The following CASKIN2 variants were observed in gnomAD, a reference collection of about 807,000 sequenced individuals.
The protein encoded by CASKIN2 is caskin-2.
In CASKIN2, 41 loss-of-function variants were observed where a neutral mutation model predicts 107.1. The observed-to-expected ratio is 0.38, with a 90% CI of 0.30 to 0.50. The LOEUF (loss-of-function observed/expected upper bound fraction) is 0.50, where lower values mean the gene tolerates loss of function less well. Among genes scored for constraint, CASKIN2 ranks in the 20% least tolerant of loss-of-function variants. CASKIN2 has a pLI of 0.92. For missense variants in CASKIN2, 1,546 were observed against 1,657.4 expected (o/e 0.93, Z 1.17); for synonymous variants, 724 against 705.6 (o/e 1.03, Z -0.41).
intron 17 of CASKIN2, 48 bp downstream of exon 17, chr17:75,503,341 A>T (rs1163781276): frequency 6.3e-7 from 1 of 1,587,416 alleles, no homozygotes; most frequent in Non-Finnish European, 8.6e-7. Flanking sequence ...TCTCTTGGAG[A>T]CCCCGGAGGC....
rs1055742829 is a variant in CASKIN2, at chr17:75,504,775, C to T, written c.1192+37G>A. The T allele has an allele frequency of 1.9e-6, 3 of 1,587,834 alleles. No homozygotes were observed. The African/African-American group carries it at 4.0e-5, about 21-fold the overall frequency. On this transcript the variant is annotated intron_variant, in intron 11 of 19. Coordinates refer to ENST00000321617, the MANE Select transcript of CASKIN2 (RefSeq NM_020753.5). ...TGGCAGCTTGCCCAGGCCACACGCC[C>T]ACACAGTGCCCAGCACTGCCCCCTG...
intron 19 of CASKIN2, 133 bp downstream of exon 19, chr17:75,501,335 T>C (rs113297042): frequency 4.9e-6 from 6 of 1,227,756 alleles, no homozygotes; most frequent in Middle Eastern, 2.2e-4. Flanking sequence ...TCTAGGTGAT[T>C]TCAACACCTG....
chr17:75,514,421 G>A (rs1281795255), intron 1 of CASKIN2, among the ~76,000 whole-genome samples: 2 of 152,106 alleles, frequency 1.3e-5, no homozygotes, highest in South Asian at 2.1e-4. Context: ...TGGCATTCTG[G>A]GAGGGGGAGG....
At position 75,503,132 on chromosome 17, in the gene CASKIN2, T is replaced by C. The variant is rs1388023446; in HGVS notation, c.1942A>G (p.Ile648Val). 3.1e-6 allele frequency: 5 copies of C among 1,606,440 alleles called. No individual in the cohort carries two copies. The highest frequency in any genetic ancestry group is 3.4e-6 in the Non-Finnish European group (4 of 1,178,138). ...RLAKGPELMA[I>V]EGLENGEGPA... ...CCTTCTCCGTTCTCCAGTCCCTCGA[T>C]GGCCATCAGCTCCGGACCCTTGGCC... Residue 648 changes from isoleucine (I) to valine (V), a missense_variant, in exon 18 of 20, where the codon ATC (isoleucine) becomes GTC (valine). Ile to Val is a conservative substitution (Grantham distance 29). This residue lies in a region of CASKIN2 where 1,311 missense variants were observed against 1,311.0 expected (regional missense o/e 1.00). Coordinates refer to ENST00000321617, the MANE Select transcript of CASKIN2 (RefSeq NM_020753.5).
In CASKIN2 at chr17:75,502,122, G is replaced by T; in HGVS notation, c.2952C>A (p.Leu984=). Residue 984 remains leucine, a synonymous_variant, in exon 18 of 20, where the codon CTC becomes CTA. Transcript: ENST00000321617. The surrounding 1 kb of genome is among the most constrained non-coding windows in gnomAD (Gnocchi z 4.3). Reference sequence around the variant, plus strand: ...TCCGCTTAACAGTGTCTGATTCCGTGAGGTTGAAATCGAGGCCGGGGGGCA... The same window carrying T: ...TCCGCTTAACAGTGTCTGATTCCGTTAGGTTGAAATCGAGGCCGGGGGGCA... ...TPVPPGLDFN[L]TESDTVKRRP... is the part of the protein sequence containing the mutation. The T allele has an allele frequency of 6.2e-7, 1 of 1,606,504 alleles. No individual in the cohort carries two copies.
In CASKIN2 at chr17:75,502,992, G is replaced by A. The variant is rs1490452643; in HGVS notation, c.2082C>T (p.Arg694=). The A allele has an allele frequency of 6.2e-7, 1 of 1,605,646 alleles. No individual in the cohort carries two copies. The highest frequency in any genetic ancestry group is 2.2e-5 in the East Asian group (1 of 44,768). ...CCCCGATGCTCTCCTGGCTGGGAGAGCGGGCAGGTGGGAGGGGGAGTGGTT... is the reference window on the plus strand; with the variant it reads ...CCCCGATGCTCTCCTGGCTGGGAGAACGGGCAGGTGGGAGGGGGAGTGGTT... ...GPEPLPLPPA[R]SPSQESIGAR... is the part of the protein sequence containing the mutation. Residue 694 remains arginine (R), a synonymous_variant, in exon 18 of 20, where the codon CGC becomes CGT. Coordinates refer to ENST00000321617, the MANE Select transcript of CASKIN2 (RefSeq NM_020753.5). This position sits in a 1 kb window ranked among gnomAD's most constrained non-coding sequence, Gnocchi z 4.3.
chr17:75,501,553 G>T lies in CASKIN2; in HGVS notation c.3433C>A (p.Gln1145Lys). The T allele has an allele frequency of 1.2e-6, 2 of 1,612,100 alleles. No individual in the cohort carries two copies. The highest frequency in any genetic ancestry group is 2.2e-5 in the South Asian group (2 of 91,060). ...STGTVGPGQA[Q>K]QRLEQTSSSL... ...GAGCTGGTCTGCTCCAGTCTCTGCT[G>T]GGCCTGGCCTGGGCCCACAGTCCCA... Residue 1145 changes from glutamine to lysine, a missense_variant, in exon 19 of 20, where the codon CAG (glutamine) becomes AAG (lysine). Around this residue, in one of 6 missense-constraint regions of CASKIN2, gnomAD observed 1,311 missense variants for 1,311.0 expected, o/e 1.00. Transcript: ENST00000321617.
chr17:75,509,459 C>T, intron 2 of CASKIN2: 1 of 523,242 alleles, frequency 1.9e-6, no homozygotes, highest in Non-Finnish European at 2.5e-6. Flanking sequence ...GGGAACATGG[C>T]ACAGGGAGGG....
At chr17:75,509,904 A>T (rs1465614786) in intron 2 of CASKIN2, 2 of 985,806 alleles carry the variant, frequency 2.0e-6, no homozygotes, top group East Asian at 2.3e-4. Flanking sequence ...CAGGCAGGAC[A>T]GGAACAGGGC....
At position 75,501,892 on chromosome 17, in the gene CASKIN2, G is replaced by A. The variant is rs1433661098; in HGVS notation, c.3182C>T (p.Pro1061Leu). ...TPLAPSPAMQPPVPPCPGPGL... is the reference protein window; with the variant it reads ...TPLAPSPAMQLPVPPCPGPGL... ...TGGCCCTGGGCAGGGCGGCACTGGA[G>A]GCTGCATGGCGGGGCTGGGAGCAAG... The change falls in exon 18 of 20, where the codon CCT (proline) becomes CTT (leucine). Residue 1061 changes from proline to leucine, a missense_variant. Physicochemically the swap from Pro to Leu is moderately conservative, Grantham distance 98. Coordinates refer to ENST00000321617, the MANE Select transcript of CASKIN2 (RefSeq NM_020753.5). 1 of 1,569,712 alleles carries A rather than the reference G, an allele frequency of 6.4e-7. No homozygotes were observed. The highest frequency in any genetic ancestry group is 1.2e-5 in the South Asian group (1 of 83,536).
chr17:75,508,420 C>A, intron 2 of CASKIN2, 135 bp from the exon 3 acceptor site: 1 of 951,444 alleles, frequency 1.1e-6, no homozygotes, highest in Admixed American at 2.1e-5. Flanking sequence ...CCGCCTGTCC[C>A]GTCCCTGTGG....
chr17:75,512,683 G>A (rs2053324447), intron 2 of CASKIN2, among the ~76,000 whole-genome samples: 1 of 152,116 alleles, frequency 6.6e-6, no homozygotes, highest in Admixed American at 6.5e-5. Context: ...TGAAGCGGGT[G>A]GATCACCTGA....
At chr17:75,508,083 A>C (rs1362729085) in intron 3 of CASKIN2, 151 bp downstream of exon 3, 26 of 822,384 alleles carry the variant, frequency 3.2e-5, no homozygotes, top group Non-Finnish European at 2.7e-5. Flanking sequence ...GCCCAGGGAC[A>C]GGGCCCACAG....
At position 75,502,833 on chromosome 17, in the gene CASKIN2, A is replaced by C. The variant is rs780181641; in HGVS notation, c.2241T>G (p.Pro747=). The change falls in exon 18 of 20, where the codon CCT becomes CCG. Residue 747 remains proline, a synonymous_variant. Transcript: ENST00000321617. The surrounding 1 kb of genome is among the most constrained non-coding windows in gnomAD (Gnocchi z 4.3). ...ERPPKLCSSL[P]GQGPPPYVFM... is the part of the protein sequence containing the mutation. ...AAACATAGGGTGGGGGTCCTTGGCC[A>C]GGAAGTGAAGAACAAAGCTTAGGGG... is the stretch of plus-strand genomic sequence containing the variant. 2.5e-5 allele frequency: 39 copies of C among 1,554,376 alleles called. No individual in the cohort carries two copies. The highest frequency in any genetic ancestry group is 3.4e-5 in the Non-Finnish European group (39 of 1,150,240).
Position 75,505,642 on chromosome 17 carries a change from C to G in CASKIN2, c.845G>C (p.Gly282Ala), listed in dbSNP as rs368635806. ...CTTGAGCGCTCGGACCTTCAGGATC[C>G]CTGAGGCCTCTAAGAAAACGGGGTG... The part of the protein sequence containing the change: ...EIKQLLREAS[G>A]ILKVRALKDF... The change falls in exon 10 of 20, where the codon GGG (glycine) becomes GCG (alanine). Residue 282 changes from glycine (G) to alanine (A), a missense_variant. Around this residue, in one of 6 missense-constraint regions of CASKIN2, gnomAD observed 1,311 missense variants for 1,311.0 expected, o/e 1.00. Transcript: ENST00000321617. The surrounding 1 kb of genome is among the most constrained non-coding windows in gnomAD (Gnocchi z 5.1). The G allele has an allele frequency of 2.3e-5, 37 of 1,612,860 alleles. No homozygotes were observed. Among genetic ancestry groups the G allele is most frequent in the Non-Finnish European group, 3.1e-5 (36 of 1,179,880 alleles).
Position 75,503,519 on chromosome 17 carries a change from C to A in CASKIN2, c.1689G>T (p.Leu563=). ...EWLPSYIPTD[L]LEWLCALGLP... ...GCCCCAGTGCACACAGCCACTCCAGCAGGTCCGTCTGGAAGAGCACCGTCC... is the reference window on the plus strand; with the variant it reads ...GCCCCAGTGCACACAGCCACTCCAGAAGGTCCGTCTGGAAGAGCACCGTCC... Residue 563 remains leucine, a synonymous_variant, in exon 17 of 20, where the codon CTG becomes CTT. Transcript: ENST00000321617. 1 of 1,609,884 alleles carries A rather than the reference C, an allele frequency of 6.2e-7. No individual in the cohort carries two copies. The highest frequency in any genetic ancestry group is 2.2e-5 in the East Asian group (1 of 44,850).
Position 75,503,658 on chromosome 17 carries a change from C to T in CASKIN2, c.1680+1G>A. 1.2e-6 allele frequency: 2 copies of T among 1,611,450 alleles called. No homozygotes were observed. Among genetic ancestry groups the T allele is most frequent in the East Asian group, 2.2e-5 (1 of 44,882 alleles). Reference sequence around the variant, plus strand: ...CTCCCCAGCCACCCTTGATGGCTCACTGGGATGTAGCTGGGCAGCCACTCG... The same window carrying T: ...CTCCCCAGCCACCCTTGATGGCTCATTGGGATGTAGCTGGGCAGCCACTCG... On this transcript the variant is annotated splice_donor_variant, in intron 16 of 19. Transcript: ENST00000321617. LOFTEE classifies it high-confidence loss of function.
At position 75,502,777 on chromosome 17, in the gene CASKIN2, G is replaced by T; in HGVS notation, c.2297C>A (p.Pro766Gln). 6.2e-7 allele frequency: 1 copy of T among 1,601,194 alleles called. No homozygotes were observed. Residue 766 changes from proline to glutamine, a missense_variant, in exon 18 of 20, where the codon CCG (proline) becomes CAG (glutamine). Physicochemically the swap from Pro to Gln is moderately conservative, Grantham distance 76. Transcript: ENST00000321617. The surrounding 1 kb of genome is among the most constrained non-coding windows in gnomAD (Gnocchi z 4.3). ...FMYPQGSPSSPAPGPPPGAPW... is the reference protein window; with the variant it reads ...FMYPQGSPSSQAPGPPPGAPW... ...TGCGCCAGGAGGTGGCCCTGGGGCC[G>T]GGCTAGAGGGTGAGCCCTGGGGGTA... is the stretch of plus-strand genomic sequence containing the variant.
chr17:75,501,602 C>A lies in CASKIN2; in HGVS notation c.3384G>T (p.Val1128=). Residue 1128 remains valine (V), a synonymous_variant, in exon 19 of 20, where the codon GTG becomes GTT. Transcript: ENST00000321617. ...CAGTGCTCTCAGGCCGTGGAGGAGG[C>A]ACTGGGCGGGGGCCGAGCCGGGGCG... ...KLAPRLGPRP[V]PPPRPESTGT... is the part of the protein sequence containing the mutation. 1 of 1,606,622 alleles carries A rather than the reference C, an allele frequency of 6.2e-7. No individual in the cohort carries two copies. Among genetic ancestry groups the A allele is most frequent in the South Asian group, 1.1e-5 (1 of 90,926 alleles).
Sources: allele counts gnomAD v4.1 joint callset (sites outside exome capture counted in the v4.1 genomes callset), GRCh38; gene constraint gnomAD v4.1.1; regional missense constraint gnomAD v4.1.1; non-coding constraint Gnocchi (gnomAD v3.1); transcripts MANE v1.5; gene names NCBI Gene and HGNC (gene_info 2026-07-23, HGNC 2026-07-21).